Variants in TEKTIP1 observed in about 807,000 individuals in gnomAD.
TEKTIP1 encodes the protein tektin bundle interacting protein 1, also known as tektin bundle-interacting protein 1.
At chr19:3,542,147 T>C in the TEKTIP1 span, 3 of 985,290 alleles carry the variant, frequency 3.0e-6, no homozygotes, top group Non-Finnish European at 3.6e-6. Flanking sequence ...AAAAGCTACA[T>C]GTGTCTTGCA....
chr19:3,539,206 G>A, the TEKTIP1 span: 231 of 1,549,372 alleles, frequency 1.5e-4, 2 homozygotes, highest in South Asian at 2.1e-3. Context: ...GAGGCTGCAC[G>A]GCCCTGTATC....
chr19:3,542,793 C>T, the TEKTIP1 span: 2 of 1,369,782 alleles, frequency 1.5e-6, no homozygotes, highest in South Asian at 1.1e-5. Flanking sequence ...AGTGGGTCCC[C>T]CAGTCTTCCC....
At chr19:3,540,540 G>C in the TEKTIP1 span, among the ~76,000 whole-genome samples, 109 of 151,742 alleles carry the variant, frequency 7.2e-4, 1 homozygote, top group East Asian at 0.021. Context: ...ACAGGCGTGA[G>C]GCACCGCGCC....
the TEKTIP1 span, chr19:3,539,185 C>T: frequency 5.8e-6 from 9 of 1,550,350 alleles, no homozygotes; most frequent in South Asian, 9.5e-5. Flanking sequence ...GACATGCAAA[C>T]CCTCAGGCAA....
chr19:3,543,911 G>C, the TEKTIP1 span: 6 of 1,550,928 alleles, frequency 3.9e-6, no homozygotes, highest in East Asian at 1.5e-4. Flanking sequence ...CCCAGCGCCC[G>C]CCCGGCACCA....
At chr19:3,543,314 G>C in the TEKTIP1 span, 2 of 1,549,296 alleles carry the variant, frequency 1.3e-6, no homozygotes, top group Non-Finnish European at 1.7e-6. Flanking sequence ...CACGCCCATG[G>C]GACGGGACGC....
At chr19:3,543,648 G>GGAAA in the TEKTIP1 span, 1 of 1,543,582 alleles carries the variant, frequency 6.5e-7, no homozygotes, top group South Asian at 1.2e-5. Flanking sequence ...AGCGCGCTGT[G>GGAAA]GAAAGACAGG....
At chr19:3,541,340 AAAAAG>A in the TEKTIP1 span, among the ~76,000 whole-genome samples, 1 of 151,720 alleles carries the variant, frequency 6.6e-6, no homozygotes, top group African/African-American at 2.4e-5. Context: ...TCTCAAAAAA[AAAAAG>A]AGGGTCTCGC....
the TEKTIP1 span, chr19:3,542,619 GC>G: frequency 1.5e-5 from 11 of 752,700 alleles, no homozygotes; most frequent in African/African-American, 7.6e-5. Flanking sequence ...GATTACAGGT[GC>G]CCCCCGCCCC....
At chr19:3,540,940 G>A in the TEKTIP1 span, among the ~76,000 whole-genome samples, 2 of 151,780 alleles carry the variant, frequency 1.3e-5, no homozygotes, top group Non-Finnish European at 2.9e-5. Flanking sequence ...GGAGGCCGAG[G>A]CGGGTGGATC....
chr19:3,543,411 TCCGCGAGGCCTACAA>T, the TEKTIP1 span: 1 of 1,547,556 alleles, frequency 6.5e-7, no homozygotes, highest in South Asian at 1.2e-5. Context: ...GCCAGCCCCT[TCCGCGAGGCCTACAA>T]CCGCTGGCAC....
At chr19:3,540,258 A>C in the TEKTIP1 span, among the ~76,000 whole-genome samples, 1 of 147,168 alleles carries the variant, frequency 6.8e-6, no homozygotes, top group African/African-American at 2.7e-5. Context: ...ATGCCCAGCT[A>C]ATTTTTGTTT....
At chr19:3,540,614 T>C in the TEKTIP1 span, among the ~76,000 whole-genome samples, 3 of 150,182 alleles carry the variant, frequency 2.0e-5, no homozygotes, top group Admixed American at 6.7e-5. Flanking sequence ...GCGCAGTGGC[T>C]CACGCCTGTA....
the TEKTIP1 span, among the ~76,000 whole-genome samples, chr19:3,540,669 C>T: frequency 9.6e-5 from 14 of 145,888 alleles, no homozygotes; most frequent in African/African-American, 3.6e-4. Context: ...CACCTGAAGT[C>T]AGGAGTTCGA....
chr19:3,543,598 C>A, the TEKTIP1 span: 4 of 1,544,388 alleles, frequency 2.6e-6, no homozygotes, highest in Non-Finnish European at 3.5e-6. Flanking sequence ...ATGACCCCAT[C>A]GTCCCTGCCC....
the TEKTIP1 span, among the ~76,000 whole-genome samples, chr19:3,540,608 A>G: frequency 6.6e-6 from 1 of 150,466 alleles, no homozygotes; most frequent in Non-Finnish European, 1.5e-5. Context: ...AGCCAGGCGC[A>G]GTGGCTCACG....
At chr19:3,542,240 A>G in the TEKTIP1 span, 1 of 985,308 alleles carries the variant, frequency 1.0e-6, no homozygotes, top group African/African-American at 1.7e-5. Context: ...GGTCCCTCAA[A>G]CAGGCTCTGT....
chr19:3,539,639 G>A, the TEKTIP1 span: 15 of 222,312 alleles, frequency 6.7e-5, no homozygotes, highest in South Asian at 2.0e-3. Context: ...GCAACCCCAG[G>A]CACTCCTTGG....
At chr19:3,543,827 A>G in the TEKTIP1 span, 3 of 1,523,592 alleles carry the variant, frequency 2.0e-6, no homozygotes, top group Non-Finnish European at 2.7e-6. Context: ...TCCCACCTAC[A>G]GTGCTCAACA....
Sources: gnomAD v4.1 joint callset for allele counts (sites outside exome capture counted in the v4.1 genomes callset) on GRCh38, gnomAD v4.1.1 for gene constraint, MANE v1.5 for transcripts, NCBI Gene and HGNC (gene_info 2026-07-23, HGNC 2026-07-21) for gene names.